The following NLRP5 variants were observed in gnomAD, a reference collection of about 807,000 sequenced individuals.
NLRP5 encodes NACHT, LRR and PYD domains-containing protein 5.
A neutral mutation model predicts 113.1 loss-of-function variants in NLRP5; 93 were observed. The ratio of observed to expected loss-of-function variants is 0.82; its 90% CI spans 0.70 to 0.98. NLRP5 has a LOEUF of 0.98. Among genes scored for constraint, NLRP5 ranks in the 50% least tolerant of loss-of-function variants. The pLI, the probability that NLRP5 is intolerant of heterozygous loss-of-function variation, is 0.00. For synonymous variants in NLRP5, 751 were observed against 600.7 expected (o/e 1.25, Z -3.66); for missense variants, 1,808 against 1,514.3 (o/e 1.19, Z -3.22).
upstream of NLRP5, among the ~76,000 whole-genome samples, chr19:55,998,700 A>ATG (rs1981449371): frequency 4.5e-5 from 4 of 89,588 alleles, no homozygotes; most frequent in South Asian, 4.2e-4. Context: ...ATATATATAT[A>ATG]TATGTGTGTG....
chr19:55,992,062 CCT>C, the NLRP5 span, among the ~76,000 whole-genome samples: 21 of 152,100 alleles, frequency 1.4e-4, 1 homozygote, highest in Non-Finnish European at 1.5e-4. Flanking sequence ...CTGTGGTTCC[CCT>C]CTTTGTGTCC....
At position 56,027,399 on chromosome 19, in the gene NLRP5, C is replaced by A; in HGVS notation, c.1166C>A (p.Thr389Asn). 1 of 1,613,522 alleles carries A rather than the reference C, an allele frequency of 6.2e-7. No homozygotes were observed. Among genetic ancestry groups the A allele is most frequent in the Non-Finnish European group, 8.5e-7 (1 of 1,179,714 alleles). The change falls in exon 7 of 15, where the codon ACC becomes AAC. Residue 389 changes from threonine to asparagine, a missense_variant. Coordinates refer to ENST00000390649, the MANE Select transcript of NLRP5 (RefSeq NM_153447.4). ...TGGGCTGAGAAGCAGCCTCCGTTCA[C>A]CCTCATACGCAGTCTGCTGAGGAAG...
At chr19:56,018,149 C>A (rs192685349) in intron 4 of NLRP5, among the ~76,000 whole-genome samples, 2 of 152,296 alleles carry the variant, frequency 1.3e-5, no homozygotes, top group Admixed American at 6.5e-5. Context: ...ATTTTTCATA[C>A]AATAACCAAG....
intron 13 of NLRP5, among the ~76,000 whole-genome samples, chr19:56,055,033 T>C (rs1357792541): frequency 7.5e-6 from 1 of 133,662 alleles, no homozygotes; most frequent in Non-Finnish European, 1.6e-5. Flanking sequence ...AGAGTCTTAC[T>C]CTGTCACCCA....
intron 11 of NLRP5, among the ~76,000 whole-genome samples, chr19:56,045,649 T>A (rs1983695813): frequency 6.6e-6 from 1 of 152,024 alleles, no homozygotes; most frequent in Non-Finnish European, 1.5e-5. Context: ...GTTGAGAACA[T>A]GTGGTGTTTG....
intron 3 of NLRP5, among the ~76,000 whole-genome samples, chr19:56,009,220 A>G (rs1982080715): frequency 6.6e-6 from 1 of 151,478 alleles, no homozygotes; most frequent in African/African-American, 2.4e-5. Context: ...GGTGCCTGTA[A>G]TCCCAGCTAC....
chr19:56,013,618 G>GTTTTTTTTTTTTTTTTT (rs1982296482), intron 3 of NLRP5, among the ~76,000 whole-genome samples: 1 of 6,538 alleles, frequency 1.5e-4, no homozygotes, highest in African/African-American at 7.9e-4. Flanking sequence ...TTTTTTTTTT[G>GTTTTTTTTTTTTTTTTT]CTATTATGAA....
intron 1 of NLRP5, among the ~76,000 whole-genome samples, chr19:56,001,585 C>T (rs1042649852): frequency 1.3e-5 from 2 of 152,064 alleles, no homozygotes; most frequent in African/African-American, 4.8e-5. Context: ...ACAACTTTGT[C>T]CCTGCAGGTC....
intron 13 of NLRP5, among the ~76,000 whole-genome samples, chr19:56,055,701 A>G (rs888564807): frequency 1.3e-5 from 2 of 151,060 alleles, no homozygotes; most frequent in African/African-American, 2.4e-5. Flanking sequence ...GCCCGCCACC[A>G]CGCCCGGCTA....
At chr19:55,988,330 G>A in the NLRP5 span, 10 of 159,184 alleles carry the variant, frequency 6.3e-5, no homozygotes, top group Admixed American at 3.7e-4. Context: ...AGGAGGCAGA[G>A]TTTGCAGTGA....
intron 6 of NLRP5, among the ~76,000 whole-genome samples, chr19:56,023,044 T>C (rs1982678179): frequency 6.6e-6 from 1 of 152,162 alleles, no homozygotes; most frequent in African/African-American, 2.4e-5. Context: ...GATGAGTTTT[T>C]GATGCTTTGA....
At chr19:56,050,630 G>A (rs1264470461) in intron 12 of NLRP5, 42 bp downstream of exon 12, 1 of 1,573,720 alleles carries the variant, frequency 6.4e-7, no homozygotes, top group East Asian at 2.3e-5. Context: ...ATCATACTGG[G>A]GTCTGGAGTT....
intron 11 of NLRP5, among the ~76,000 whole-genome samples, chr19:56,045,463 T>G (rs167386): frequency 0.16 from 24,074 of 152,042 alleles, 1,968 homozygotes; most frequent in Middle Eastern, 0.22. Flanking sequence ...GTGCACAACA[T>G]GCAGGTTAGT....
chr19:55,988,038 A>G, the NLRP5 span: 1 of 691,728 alleles, frequency 1.4e-6, no homozygotes, highest in Non-Finnish European at 2.6e-6. Flanking sequence ...AACCCAGTCA[A>G]CACCACAGAA....
intron 10 of NLRP5, among the ~76,000 whole-genome samples, chr19:56,040,641 C>T (rs1983486638): frequency 6.6e-6 from 1 of 152,072 alleles, no homozygotes; most frequent in African/African-American, 2.4e-5. Flanking sequence ...ACATCATAGC[C>T]ATGTGGGGAC....
At chr19:55,992,472 T>G in the NLRP5 span, among the ~76,000 whole-genome samples, 8 of 152,318 alleles carry the variant, frequency 5.3e-5, no homozygotes, top group African/African-American at 1.9e-4. Flanking sequence ...TGAACTGATT[T>G]ACACTCCCAC....
At chr19:56,037,814 ACATGAAAGGACGTGAACCC>A (rs1983374990) in intron 9 of NLRP5, among the ~76,000 whole-genome samples, 192 bp from the exon 10 acceptor site, 1 of 151,970 alleles carries the variant, frequency 6.6e-6, no homozygotes, top group Admixed American at 6.6e-5. Flanking sequence ...CCTTCAAGAG[ACATGAAAGGACGTGAACCC>A]CATGAAAACC....
rs912767303 is a variant in NLRP5, at chr19:56,061,713, C to G, written c.*185C>G. On this transcript the variant is annotated 3_prime_UTR_variant, in exon 15 of 15. Transcript: ENST00000390649. ...CTACGTTGGTTACTGGATTTGAAGGCTAGAGACCTTCAAGTCATAGGACTC... is the reference window on the plus strand; with the variant it reads ...CTACGTTGGTTACTGGATTTGAAGGGTAGAGACCTTCAAGTCATAGGACTC... 1 of 636,148 alleles carries G rather than the reference C, an allele frequency of 1.6e-6. No homozygotes were observed. The highest frequency in any genetic ancestry group is 1.8e-5 in the African/African-American group (1 of 54,510). 39.4% of individuals were successfully genotyped at this position (636,148 alleles called of 1,614,324 possible). A position where few individuals can be genotyped will look rare whatever the true frequency, so the allele number is the denominator to read the frequency against.
intron 9 of NLRP5, among the ~76,000 whole-genome samples, chr19:56,036,192 T>G (rs1983308556): frequency 6.6e-6 from 1 of 150,624 alleles, no homozygotes; most frequent in Non-Finnish European, 1.5e-5. Context: ...GCCTCCTAAG[T>G]AGCTAGGACT....
Sources: gnomAD v4.1 joint callset for allele counts (sites outside exome capture counted in the v4.1 genomes callset) on GRCh38, gnomAD v4.1.1 for gene constraint, MANE v1.5 for transcripts, NCBI Gene and HGNC (gene_info 2026-07-23, HGNC 2026-07-21) for gene names.